The following PTPRB variants were observed in gnomAD, a reference collection of about 807,000 sequenced individuals.
The protein encoded by PTPRB is receptor-type tyrosine-protein phosphatase beta.
A neutral mutation model predicts 238.1 loss-of-function variants in PTPRB; 97 were observed. That is an observed-to-expected ratio of 0.41 (90% confidence interval 0.35 to 0.48). The LOEUF is 0.48. PTPRB is among the 20% of genes least tolerant of loss of function. The probability of loss-of-function intolerance (pLI) is 0.30; values close to 1 mark genes in which losing one functional copy is unlikely to be tolerated. For synonymous variants in PTPRB, 970 were observed against 995.4 expected (o/e 0.97, Z 0.48); for missense variants, 2,292 against 2,681.9 (o/e 0.85, Z 3.21).
At chr12:70,532,231 T>C in intron 31 of PTPRB, 61 bp from the exon 32 acceptor site, 1 of 1,492,446 alleles carries the variant, frequency 6.7e-7, no homozygotes, top group Non-Finnish European at 8.9e-7. Context: ...CAAGATTGCA[T>C]CTAGAGACTC....
chr12:70,544,683 A>G lies in PTPRB; in HGVS notation c.5388-20T>C. 1 of 1,503,444 alleles carries G rather than the reference A, an allele frequency of 6.7e-7. No individual in the cohort carries two copies. The highest frequency in any genetic ancestry group is 1.4e-5 in the African/African-American group (1 of 70,738). 93.1% of individuals were successfully genotyped at this position (1,503,444 alleles called of 1,614,324 possible). On this transcript the variant is annotated intron_variant, in intron 21 of 33. Transcript: ENST00000334414. ...CTGATTCTGAAAAGAAAACCGATTT[A>G]TTTAAATATAAATTAGTTGTTGAAC...
At position 70,518,987 on chromosome 12, in the gene PTPRB, A is replaced by C. The variant is rs1871400497; in HGVS notation, c.*2502T>G. On this transcript the variant is annotated 3_prime_UTR_variant, in exon 34 of 34. Coordinates refer to ENST00000334414, the MANE Select transcript of PTPRB (RefSeq NM_001109754.4). ...TCCAATAGAGCTGAATGTCAAGGAA[A>C]ACTTTTTTTTTCTCCTAAATTTAAT... 6.6e-6 allele frequency: 1 copy of C among 152,114 alleles called. No homozygotes were observed. The highest frequency in any genetic ancestry group is 1.5e-5 in the Non-Finnish European group (1 of 68,030). 9.4% of individuals were successfully genotyped at this position (152,114 alleles called of 1,614,324 possible). A position where few individuals can be genotyped will look rare whatever the true frequency, so the allele number is the denominator to read the frequency against.
Position 70,555,204 on chromosome 12 carries a change from T to C in PTPRB, c.5099A>G (p.Asn1700Ser), listed in dbSNP as rs745670062. Reference protein sequence around the residue: ...TVNCSWFSDTNGAVKYFTVVV... With the variant: ...TVNCSWFSDTSGAVKYFTVVV... ...CACTGTGAAGTATTTCACAGCTCCA[T>C]TGGTGTCGCTGAACCAGCTGCAGTT... The change falls in exon 20 of 34, where the codon AAT (asparagine) becomes AGT (serine). Residue 1700 changes from asparagine to serine, a missense_variant. Coordinates refer to ENST00000334414, the MANE Select transcript of PTPRB (RefSeq NM_001109754.4). 1.2e-5 allele frequency: 19 copies of C among 1,613,870 alleles called. No individual in the cohort carries two copies. Among genetic ancestry groups the C allele is most frequent in the South Asian group, 4.4e-5 (4 of 91,092 alleles).
At chr12:70,601,289 C>T (rs1304773510) in intron 4 of PTPRB, among the ~76,000 whole-genome samples, 1 of 152,188 alleles carries the variant, frequency 6.6e-6, no homozygotes, top group African/African-American at 2.4e-5. Flanking sequence ...ATGCGAACCA[C>T]CACGCCCCGC....
At chr12:70,524,415 A>G (rs1236825268) in intron 33 of PTPRB, 56 bp downstream of exon 33, 2 of 1,526,236 alleles carry the variant, frequency 1.3e-6, no homozygotes, top group African/African-American at 2.8e-5. Flanking sequence ...ATGCCTGGCC[A>G]GATTGACCAT....
chr12:70,627,912 G>A (rs545597187), intron 2 of PTPRB, among the ~76,000 whole-genome samples: 60 of 152,152 alleles, frequency 3.9e-4, no homozygotes, highest in African/African-American at 1.3e-3. Context: ...TACTTCTGCC[G>A]GCCAGTAAAG....
chr12:70,616,826 T>C lies in PTPRB; in HGVS notation c.708+5564A>G, dbSNP rs78490071. ...AGGGCCCATTTCAATGCATGTGTTC[T>C]GTTCATGGTTGTATTTTATGTGCAT... On this transcript the variant is annotated intron_variant, in intron 3 of 33. Transcript: ENST00000334414. Among the ~76,000 whole-genome samples, 9 of 152,330 alleles carry C rather than the reference T, an allele frequency of 5.9e-5. No individual in the cohort carries two copies. The East Asian group carries it at 1.5e-3, about 26-fold the overall frequency.
intron 3 of PTPRB, among the ~76,000 whole-genome samples, chr12:70,615,230 C>T (rs1459500142): frequency 6.6e-6 from 1 of 152,142 alleles, no homozygotes; most frequent in Non-Finnish European, 1.5e-5. Context: ...CTGAGAACAT[C>T]CAAATGACCG....
At chr12:70,525,586 GATATAGA>G (rs923819118) in intron 32 of PTPRB, among the ~76,000 whole-genome samples, 2 of 138,544 alleles carry the variant, frequency 1.4e-5, no homozygotes, top group African/African-American at 7.0e-5. Context: ...AATATAAATA[GATATAGA>G]AGAGTCAGTG....
rs192894561 is a variant in PTPRB, at chr12:70,604,645, C to T, written c.979+4424G>A. Among the ~76,000 whole-genome samples the T allele has an allele frequency of 7.9e-5, 12 of 152,216 alleles. No homozygotes were observed. In the East Asian group the frequency reaches 1.4e-3, roughly 17 times the overall value. On this transcript the variant is annotated intron_variant, in intron 4 of 33. Coordinates refer to ENST00000334414, the MANE Select transcript of PTPRB (RefSeq NM_001109754.4). ...ATTAGGGGATGAATTGTGTCCCCACCAAATTTATATGTTGAAACCCTAAAC... is the reference window on the plus strand; with the variant it reads ...ATTAGGGGATGAATTGTGTCCCCACTAAATTTATATGTTGAAACCCTAAAC...
intron 2 of PTPRB, among the ~76,000 whole-genome samples, chr12:70,626,649 T>C (rs1227926094): frequency 4.6e-5 from 7 of 152,102 alleles, no homozygotes; most frequent in Admixed American, 4.6e-4. Flanking sequence ...TAGGAGGATG[T>C]GTGTAGGTTA....
intron 4 of PTPRB, among the ~76,000 whole-genome samples, chr12:70,604,085 T>TA (rs1883742761): frequency 6.6e-6 from 1 of 151,842 alleles, no homozygotes; most frequent in South Asian, 2.1e-4. Flanking sequence ...ACAAATAATT[T>TA]AAAAAACTAG....
chr12:70,569,088 AATTTATTT>A (rs946524974), intron 14 of PTPRB, among the ~76,000 whole-genome samples: 1 of 151,884 alleles, frequency 6.6e-6, no homozygotes, highest in Non-Finnish European at 1.5e-5. Context: ...TCCTTATTAA[AATTTATTT>A]ATTTATTTAT....
intron 2 of PTPRB, 74 bp downstream of exon 2, chr12:70,635,597 C>CA: frequency 3.3e-6 from 5 of 1,495,664 alleles, no homozygotes; most frequent in Non-Finnish European, 4.5e-6. Context: ...AACAAACAAA[C>CA]AAACAAACAA....
At chr12:70,624,944 C>T (rs908242360) in intron 2 of PTPRB, among the ~76,000 whole-genome samples, 15 of 152,184 alleles carry the variant, frequency 9.9e-5, no homozygotes, top group African/African-American at 3.1e-4. Flanking sequence ...TTTCAAAACA[C>T]TCTTGAAATT....
chr12:70,620,257 A>C (rs1296863713), intron 3 of PTPRB, among the ~76,000 whole-genome samples: 2 of 152,170 alleles, frequency 1.3e-5, no homozygotes, highest in Non-Finnish European at 2.9e-5. Flanking sequence ...CTGGGGCTGG[A>C]TCATGTGAGC....
intron 8 of PTPRB, among the ~76,000 whole-genome samples, chr12:70,589,528 C>T (rs1393828533): frequency 6.6e-6 from 1 of 152,182 alleles, no homozygotes; most frequent in African/African-American, 2.4e-5. Flanking sequence ...TTTCTCATTT[C>T]AGTATCCTTA....
intron 8 of PTPRB, among the ~76,000 whole-genome samples, chr12:70,588,719 A>G (rs928119379): frequency 3.9e-5 from 6 of 151,974 alleles, no homozygotes; most frequent in Non-Finnish European, 7.4e-5. Context: ...TTGGGAGGCC[A>G]AGGTAGGCGG....
At chr12:70,612,854 G>T (rs1884519388) in intron 3 of PTPRB, among the ~76,000 whole-genome samples, 1 of 152,000 alleles carries the variant, frequency 6.6e-6, no homozygotes, top group Non-Finnish European at 1.5e-5. Flanking sequence ...GGATGCTGTG[G>T]TGCGTGCCTG....
Sources: gnomAD v4.1 joint callset for allele counts (sites outside exome capture counted in the v4.1 genomes callset) on GRCh38, gnomAD v4.1.1 for gene constraint, MANE v1.5 for transcripts, NCBI Gene and HGNC (gene_info 2026-07-23, HGNC 2026-07-21) for gene names.